BRSK1: variants seen among roughly 807,000 people sequenced by gnomAD.
The protein encoded by BRSK1 is serine/threonine-protein kinase BRSK1.
BRSK1 carries 17 observed loss-of-function variants against 86.2 expected under a neutral mutation model. The observed-to-expected ratio is 0.20, with a 90% CI of 0.14 to 0.30. BRSK1 has a LOEUF of 0.30. Ranked by LOEUF, BRSK1 falls within the 10% of genes least tolerant of loss-of-function variation. The pLI, the probability that BRSK1 is intolerant of heterozygous loss-of-function variation, is 1.00. For synonymous variants in BRSK1, 464 were observed against 440.1 expected (o/e 1.05, Z -0.68); for missense variants, 719 against 1,071.9 (o/e 0.67, Z 4.60).
rs780118374 is a variant in BRSK1, at chr19:55,303,758, C to A, written c.1218C>A (p.Thr406=). The A allele has an allele frequency of 6.2e-7, 1 of 1,613,336 alleles. No homozygotes were observed. The highest frequency in any genetic ancestry group is 8.5e-7 in the Non-Finnish European group (1 of 1,179,588). Residue 406 remains threonine, a synonymous_variant, in exon 12 of 19, where the codon ACC becomes ACA. Transcript: ENST00000309383. The surrounding 1 kb of genome is among the most constrained non-coding windows in gnomAD (Gnocchi z 5.1). ...ERKSMEVLSI[T]DAGGGGSPVP... ...AGTCCATGGAAGTCCTGAGCATCAC[C>A]GATGCCGGGGGTGGTGGCTCCCCTG... is the stretch of plus-strand genomic sequence containing the variant.
chr19:55,304,662 G>A lies in BRSK1; in HGVS notation c.1459G>A (p.Gly487Ser). The A allele has an allele frequency of 6.7e-7, 1 of 1,497,276 alleles. No homozygotes were observed. Among genetic ancestry groups the A allele is most frequent in the Non-Finnish European group, 8.9e-7 (1 of 1,129,856 alleles). 92.7% of individuals were successfully genotyped at this position (1,497,276 alleles called of 1,614,324 possible). ...TLPSRGPRGG[G>S]AGEQPPPPSA... ...GCCTTCTCGGGGCCCCAGGGGTGGG[G>A]GCGCCGGGGAGCAGCCCCCGCCCCC... The change falls in exon 14 of 19, where the codon GGC (glycine) becomes AGC (serine). Residue 487 changes from glycine to serine, a missense_variant. Gly to Ser is a moderately conservative substitution (Grantham distance 56). Coordinates refer to ENST00000309383, the MANE Select transcript of BRSK1 (RefSeq NM_032430.2). The surrounding 1 kb of genome is among the most constrained non-coding windows in gnomAD (Gnocchi z 5.2).
At chr19:55,307,966 A>G (rs2122996456) in intron 17 of BRSK1, among the ~76,000 whole-genome samples, 1 of 151,710 alleles carries the variant, frequency 6.6e-6, no homozygotes, top group East Asian at 1.9e-4. Context: ...AAGAAAAAAG[A>G]AAAAGAAAAG....
intron 7 of BRSK1, among the ~76,000 whole-genome samples, chr19:55,295,802 C>A (rs2088478045): frequency 6.6e-6 from 1 of 152,176 alleles, no homozygotes; most frequent in African/African-American, 2.4e-5. Flanking sequence ...AACCCCATCT[C>A]TACTAGAAAT....
intron 4 of BRSK1, among the ~76,000 whole-genome samples, chr19:55,292,806 C>T (rs1600175310): frequency 6.6e-6 from 1 of 151,360 alleles, no homozygotes. Context: ...TGCACTGCAG[C>T]CTGGTCGACA....
Position 55,301,673 on chromosome 19 carries a change from G to A in BRSK1, c.825+15G>A. ...AAAGGCTCAGTGTGAGTTGAGGGGG[G>A]GACCGGCGGAGGGGGGAACAGTGGC... On this transcript the variant is annotated intron_variant, in intron 8 of 18. Coordinates refer to ENST00000309383, the MANE Select transcript of BRSK1 (RefSeq NM_032430.2). The A allele has an allele frequency of 6.2e-7, 1 of 1,607,790 alleles. No homozygotes were observed. Among genetic ancestry groups the A allele is most frequent in the Non-Finnish European group, 8.5e-7 (1 of 1,176,734 alleles).
At position 55,284,193 on chromosome 19, in the gene BRSK1, G is replaced by A. The variant is rs1181208415; in HGVS notation, c.-250G>A. On this transcript the variant is annotated 5_prime_UTR_variant, in exon 1 of 19. Transcript: ENST00000309383. ...GGGCCGGCCAGAAACGGGCTGGGGA[G>A]GGGGGGCCCCGCAGCCCCCCTGGGC... 4 of 813,166 alleles carry A rather than the reference G, an allele frequency of 4.9e-6. No homozygotes were observed. Among genetic ancestry groups the A allele is most frequent in the Non-Finnish European group, 6.6e-6 (4 of 608,520 alleles). The allele number at this position is 813,166 out of a possible 1,614,324, so 50.4% of individuals were successfully genotyped here.
chr19:55,297,118 A>G (rs544996159), intron 7 of BRSK1, among the ~76,000 whole-genome samples: 1 of 152,270 alleles, frequency 6.6e-6, no homozygotes, highest in South Asian at 2.1e-4. Context: ...GCTCTGTCAC[A>G]CATGATGGAG....
intron 1 of BRSK1, among the ~76,000 whole-genome samples, chr19:55,286,059 G>T (rs1231814109): frequency 8.0e-6 from 1 of 125,212 alleles, no homozygotes; most frequent in Non-Finnish European, 1.7e-5. Context: ...GGAGTGCTGG[G>T]TCTGAGGGAG....
rs1031015446 is a variant in BRSK1, at chr19:55,312,383, C to T, written c.*315C>T. On this transcript the variant is annotated 3_prime_UTR_variant, in exon 19 of 19. Coordinates refer to ENST00000309383, the MANE Select transcript of BRSK1 (RefSeq NM_032430.2). ...TGGCTTAGCAGATCCGGACAGGGCC[C>T]TCTGTCCCTGTGTCGTCCCCAACCC... 5.0e-6 allele frequency: 1 copy of T among 198,622 alleles called. No homozygotes were observed. Among genetic ancestry groups the T allele is most frequent in the African/African-American group, 2.3e-5 (1 of 42,970 alleles). The allele number at this position is 198,622 out of a possible 1,614,324, so 12.3% of individuals were successfully genotyped here.
chr19:55,298,622 T>C (rs2088524947), intron 7 of BRSK1, among the ~76,000 whole-genome samples: 1 of 152,266 alleles, frequency 6.6e-6, no homozygotes, highest in Non-Finnish European at 1.5e-5. Context: ...AGGGGAAACC[T>C]GAGCCGCCCA....
Position 55,302,250 on chromosome 19 carries a change from G to A in BRSK1, c.857+82G>A. 6.6e-7 allele frequency: 1 copy of A among 1,522,414 alleles called. No homozygotes were observed. Among genetic ancestry groups the A allele is most frequent in the Non-Finnish European group, 9.1e-7 (1 of 1,096,962 alleles). The allele number at this position is 1,522,414 out of a possible 1,614,324, so 94.3% of individuals were successfully genotyped here. On this transcript the variant is annotated intron_variant, in intron 9 of 18. Coordinates refer to ENST00000309383, the MANE Select transcript of BRSK1 (RefSeq NM_032430.2). The surrounding 1 kb of genome is among the most constrained non-coding windows in gnomAD (Gnocchi z 6.3). ...AGCAGTAGAAGCGGCTGGGAGGGGT[G>A]GGATGCCAGGGTTCCTGAGAGGCAA...
rs1350165855 is a variant in BRSK1 at position 55,303,028 on chromosome 19, G to A, written c.1028+161G>A. 1 of 846,906 alleles carries A rather than the reference G, an allele frequency of 1.2e-6. No homozygotes were observed. The highest frequency in any genetic ancestry group is 1.8e-6 in the Non-Finnish European group (1 of 557,924). The allele number at this position is 846,906 out of a possible 1,614,324, so 52.5% of individuals were successfully genotyped here. ...TGGAACCAGCGGAGAAAACGGCCCA[G>A]AAACACGCTGAGAAAGTATTAATAG... On this transcript the variant is annotated intron_variant, in intron 10 of 18. Coordinates refer to ENST00000309383, the MANE Select transcript of BRSK1 (RefSeq NM_032430.2). The surrounding 1 kb of genome is among the most constrained non-coding windows in gnomAD (Gnocchi z 5.1).
In BRSK1 at chr19:55,306,327, G is replaced by A. The variant is rs769516314; in HGVS notation, c.1966G>A (p.Val656Ile). Residue 656 changes from valine to isoleucine, a missense_variant, in exon 17 of 19, where the codon GTC (valine) becomes ATC (isoleucine). Physicochemically the swap from Val to Ile is conservative, Grantham distance 29 (BLOSUM62 3). Coordinates refer to ENST00000309383, the MANE Select transcript of BRSK1 (RefSeq NM_032430.2). This position sits in a 1 kb window ranked among gnomAD's most constrained non-coding sequence, Gnocchi z 4.7. ...AEYKASGGPS[V>I]FQKPVRFQVD... ...GTACAAGGCCAGTGGCGGCCCCTCCGTCTTCCAAAAGCCCGTCCGCTTCCA... is the reference window on the plus strand; with the variant it reads ...GTACAAGGCCAGTGGCGGCCCCTCCATCTTCCAAAAGCCCGTCCGCTTCCA... 1.2e-5 allele frequency: 20 copies of A among 1,613,932 alleles called. No homozygotes were observed. The highest frequency in any genetic ancestry group is 8.0e-5 in the African/African-American group (6 of 74,924).
chr19:55,304,522 C>G lies in BRSK1; in HGVS notation c.1348-29C>G, dbSNP rs550413555. On this transcript the variant is annotated intron_variant, in intron 13 of 18. Coordinates refer to ENST00000309383, the MANE Select transcript of BRSK1 (RefSeq NM_032430.2). The surrounding 1 kb of genome is among the most constrained non-coding windows in gnomAD (Gnocchi z 5.2). ...AGCCTCCTGGGAGTTGTAGTCCACT[C>G]GCTTATCTCAGTCTCCTGTCCTCTG... 1.3e-6 allele frequency: 2 copies of G among 1,521,598 alleles called. No individual in the cohort carries two copies. The highest frequency in any genetic ancestry group is 8.8e-7 in the Non-Finnish European group (1 of 1,140,472). The allele number at this position is 1,521,598 out of a possible 1,614,324, so 94.3% of individuals were successfully genotyped here. A position where few individuals can be genotyped will look rare whatever the true frequency, so the allele number is the denominator to read the frequency against.
In BRSK1 at chr19:55,298,191, CT is replaced by C. The variant is rs377504520; in HGVS notation, c.679-3311del. 6.8e-4 allele frequency among the ~76,000 whole-genome samples: 48 copies of C among 70,352 alleles called. 1 individual carries two copies. In the South Asian group the frequency reaches 0.014, roughly 20 times the overall value. The allele number at this position is 70,352 out of a possible 152,430, so 46.2% of individuals were successfully genotyped here. The stretch of plus-strand genomic sequence containing the variant: ...TGATGATTATTATTAGTAGTTTATT[CT>C]TTTTTTTTTGTTTCTTCTTTTTTTT... On this transcript the variant is annotated intron_variant, in intron 7 of 18. Transcript: ENST00000309383.
rs2088755072 is a variant in BRSK1, at chr19:55,310,285, T to C, written c.2179+1557T>C. ...CTCTGGCAGAGACTGTTTCCTTGTGTGTTCCAGTTCCTAGGCGCTCTGGTT... is the reference window on the plus strand; with the variant it reads ...CTCTGGCAGAGACTGTTTCCTTGTGCGTTCCAGTTCCTAGGCGCTCTGGTT... On this transcript the variant is annotated intron_variant, in intron 18 of 18. Coordinates refer to ENST00000309383, the MANE Select transcript of BRSK1 (RefSeq NM_032430.2). This position sits in a 1 kb window ranked among gnomAD's most constrained non-coding sequence, Gnocchi z 5.0. 6.6e-6 allele frequency among the ~76,000 whole-genome samples: 1 copy of C among 152,174 alleles called. No individual in the cohort carries two copies. The highest frequency in any genetic ancestry group is 1.5e-5 in the Non-Finnish European group (1 of 68,036).
rs1440576235 is a variant in BRSK1, at chr19:55,302,713, C to T, written c.874C>T (p.Pro292Ser). The stretch of plus-strand genomic sequence containing the variant: ...CTTCCCCAGAGGCGGGAAACACGAG[C>T]CAGACCCGTGCCTGGAGCCAGCCCC... ...HPWYLGGKHE[P>S]DPCLEPAPGR... The change falls in exon 10 of 19, where the codon CCA (proline) becomes TCA (serine). Residue 292 changes from proline to serine, a missense_variant. Coordinates refer to ENST00000309383, the MANE Select transcript of BRSK1 (RefSeq NM_032430.2). This position sits in a 1 kb window ranked among gnomAD's most constrained non-coding sequence, Gnocchi z 6.3. The T allele has an allele frequency of 1.2e-6, 2 of 1,611,350 alleles. No homozygotes were observed. Among genetic ancestry groups the T allele is most frequent in the Non-Finnish European group, 8.5e-7 (1 of 1,178,412 alleles).
chr19:55,301,713 C>A, intron 8 of BRSK1, 55 bp downstream of exon 8: 1 of 1,576,136 alleles, frequency 6.3e-7, no homozygotes, highest in Non-Finnish European at 8.6e-7. Context: ...GAAGACAGAA[C>A]CCCCTAGAAA....
In BRSK1 at chr19:55,304,060, G is replaced by C. The variant is rs775330005; in HGVS notation, c.1297G>C (p.Val433Leu). 1.2e-6 allele frequency: 2 copies of C among 1,611,316 alleles called. No homozygotes were observed. Among genetic ancestry groups the C allele is most frequent in the Non-Finnish European group, 1.7e-6 (2 of 1,179,346 alleles). ...MAQHSQRSRS[V>L]SGASTGLSSS... The stretch of plus-strand genomic sequence containing the variant: ...CTATCCTGGAAACAGATCCCGTAGC[G>C]TCAGTGGAGCCTCCACGGGTCTGTC... Residue 433 changes from valine (V) to leucine (L), a missense_variant, in exon 13 of 19, where the codon GTC (valine) becomes CTC (leucine). This residue lies in a region of BRSK1 where 168 missense variants were observed against 246.3 expected (regional missense o/e 0.68). Coordinates refer to ENST00000309383, the MANE Select transcript of BRSK1 (RefSeq NM_032430.2). The surrounding 1 kb of genome is among the most constrained non-coding windows in gnomAD (Gnocchi z 5.2).
Sources: gnomAD v4.1 joint callset for allele counts (sites outside exome capture counted in the v4.1 genomes callset) on GRCh38, gnomAD v4.1.1 for gene constraint, gnomAD v4.1.1 regional missense constraint, Gnocchi (gnomAD v3.1) non-coding constraint, MANE v1.5 for transcripts, NCBI Gene and HGNC (gene_info 2026-07-23, HGNC 2026-07-21) for gene names.